IKZF4: variants seen among roughly 807,000 people sequenced by gnomAD.
IKZF4 encodes IKAROS family zinc finger 4.
A neutral mutation model predicts 47.7 loss-of-function variants in IKZF4; 11 were observed. The ratio of observed to expected loss-of-function variants is 0.23; its 90% CI spans 0.15 to 0.38. The LOEUF (loss-of-function observed/expected upper bound fraction) is 0.38. Among genes scored for constraint, IKZF4 ranks in the 10% least tolerant of loss-of-function variants. IKZF4 has a pLI of 1.00. For synonymous variants in IKZF4, 298 were observed against 299.4 expected (o/e 1.00, Z 0.05); for missense variants, 557 against 784.9 (o/e 0.71, Z 3.47).
At chr12:56,024,806 T>C (rs1433599700) in intron 2 of IKZF4, 5 of 1,344,556 alleles carry the variant, frequency 3.7e-6, no homozygotes, top group South Asian at 3.0e-5. Flanking sequence ...CAGGCAGTGA[T>C]GCTCTTGCCC....
intron 7 of IKZF4, 36 bp downstream of exon 7, chr12:56,033,357 G>A: frequency 6.2e-7 from 1 of 1,612,386 alleles, no homozygotes; most frequent in Non-Finnish European, 8.5e-7. Flanking sequence ...TCAGCTTTAA[G>A]CCACAGCTCA....
intron 4 of IKZF4, 102 bp downstream of exon 4, chr12:56,027,143 C>CAG (rs1555204271): frequency 8.4e-7 from 1 of 1,186,022 alleles, no homozygotes; most frequent in Non-Finnish European, 1.1e-6. Flanking sequence ...GGAGGTCATG[C>CAG]AGGGAGTGGG....
At position 56,038,182 on chromosome 12, in the gene IKZF4, CTA is replaced by C. The variant is rs1460812035; in HGVS notation, c.*2853_*2854del. On this transcript the variant is annotated 3_prime_UTR_variant, in exon 8 of 8. Transcript: ENST00000547167. ...TCTCTCCTAGGGTTTCCTTTGTAGC[CTA>C]TGTTTGGTGTCTCTTTTGACCTTTA... 1 of 152,252 alleles carries C rather than the reference CTA, an allele frequency of 6.6e-6. No homozygotes were observed. Among genetic ancestry groups the C allele is most frequent in the Admixed American group, 6.6e-5 (1 of 15,226 alleles). 9.4% of individuals were successfully genotyped at this position (152,252 alleles called of 1,614,324 possible).
At chr12:56,034,066 A>AT (rs1196413117) in intron 7 of IKZF4, among the ~76,000 whole-genome samples, 2 of 151,588 alleles carry the variant, frequency 1.3e-5, no homozygotes, top group Non-Finnish European at 1.5e-5. Flanking sequence ...TGCCCGGCTA[A>AT]TTTTTTTTGT....
intron 2 of IKZF4, among the ~76,000 whole-genome samples, chr12:56,013,495 C>T (rs551258816): frequency 2.6e-5 from 4 of 152,000 alleles, no homozygotes; most frequent in East Asian, 1.9e-4. Flanking sequence ...CGCCCCCAGC[C>T]GACAGTTATG....
chr12:56,028,009 A>G, intron 5 of IKZF4, 62 bp downstream of exon 5: 1 of 1,462,938 alleles, frequency 6.8e-7, no homozygotes, highest in Admixed American at 2.7e-5. Flanking sequence ...TGTAGAGCTC[A>G]GTGACTTCTC....
At chr12:56,020,563 T>A (rs558383915), upstream of IKZF4, among the ~76,000 whole-genome samples, 1 of 152,292 alleles carries the variant, frequency 6.6e-6, no homozygotes, top group African/African-American at 2.4e-5. Context: ...AAATGTAGTC[T>A]TCCAAAGTAG....
At chr12:56,031,849 T>TA (rs1450463344) in intron 5 of IKZF4, among the ~76,000 whole-genome samples, 1 of 152,230 alleles carries the variant, frequency 6.6e-6, no homozygotes, top group Non-Finnish European at 1.5e-5. Context: ...CTCTTTTTTT[T>TA]ACTCTTCTTT....
intron 7 of IKZF4, among the ~76,000 whole-genome samples, chr12:56,033,800 G>C (rs1327800580): frequency 6.6e-6 from 1 of 152,198 alleles, no homozygotes; most frequent in African/African-American, 2.4e-5. Context: ...AAAGTAAAGA[G>C]GGAGGATGTA....
intron 3 of IKZF4, among the ~76,000 whole-genome samples, chr12:56,025,810 C>CA (rs1893881065): frequency 6.6e-6 from 1 of 152,134 alleles, no homozygotes; most frequent in South Asian, 2.1e-4. Flanking sequence ...GTTTTCCCGC[C>CA]ACTGTTAACT....
At position 56,027,661 on chromosome 12, in the gene IKZF4, C is replaced by T. The variant is rs547053535; in HGVS notation, c.548-119C>T. 4.5e-5 allele frequency: 44 copies of T among 974,726 alleles called. No homozygotes were observed. The African/African-American group carries it at 5.3e-4, about 12-fold the overall frequency. The allele number at this position is 974,726 out of a possible 1,614,324, so 60.4% of individuals were successfully genotyped here. ...GGTTTGTGTGCATTGCACTTCTGCC[C>T]GTCAGCAATGTGTTCAGAGCACCTT... On this transcript the variant is annotated intron_variant, in intron 4 of 7. Coordinates refer to ENST00000547167, the MANE Select transcript of IKZF4 (RefSeq NM_022465.4).
chr12:56,008,931 C>G (rs1042913363), intron 1 of IKZF4, among the ~76,000 whole-genome samples: 1 of 152,164 alleles, frequency 6.6e-6, no homozygotes, highest in Admixed American at 6.5e-5. Context: ...CCCGCCTCAG[C>G]CTCCCAAAGT....
chr12:56,028,082 G>C (rs906524098), intron 5 of IKZF4, 135 bp downstream of exon 5: 1 of 995,212 alleles, frequency 1.0e-6, no homozygotes, highest in Admixed American at 3.4e-5. Context: ...GAGCAGATAG[G>C]GCCCCCTGCC....
chr12:56,033,135 G>A, intron 6 of IKZF4, 55 bp from the exon 7 acceptor site: 1 of 1,597,136 alleles, frequency 6.3e-7, no homozygotes, highest in East Asian at 2.2e-5. Flanking sequence ...AAGGCTGTGG[G>A]GCCAATGCTA....
At chr12:56,026,560 A>C (rs1469175569) in intron 3 of IKZF4, among the ~76,000 whole-genome samples, 1 of 151,840 alleles carries the variant, frequency 6.6e-6, no homozygotes, top group Non-Finnish European at 1.5e-5. Context: ...GTGATGGTAC[A>C]TGCCTGTAAT....
chr12:56,017,617 G>A (rs1000416922), upstream of IKZF4, among the ~76,000 whole-genome samples: 2 of 152,176 alleles, frequency 1.3e-5, no homozygotes, highest in South Asian at 4.1e-4. Context: ...AGGCTGGGGA[G>A]GCCTGCAGAA....
At chr12:56,009,216 C>T (rs1301292319) in intron 1 of IKZF4, among the ~76,000 whole-genome samples, 1 of 152,122 alleles carries the variant, frequency 6.6e-6, no homozygotes, top group Non-Finnish European at 1.5e-5. Flanking sequence ...GCCTGTCTCC[C>T]CTTACTGATA....
rs200990134 is a variant in IKZF4, at chr12:56,021,509, G to C, written c.16G>C (p.Ala6Pro). 2 of 1,604,760 alleles carry C rather than the reference G, an allele frequency of 1.2e-6. No homozygotes were observed. The highest frequency in any genetic ancestry group is 1.7e-5 in the Admixed American group (1 of 58,894). Residue 6 changes from alanine to proline, a missense_variant, in exon 1 of 8, where the codon GCA becomes CCA. Around this residue, in one of 6 missense-constraint regions of IKZF4, gnomAD observed 44 missense variants for 39.7 expected, o/e 1.11. Coordinates refer to ENST00000547167, the MANE Select transcript of IKZF4 (RefSeq NM_022465.4). MHTPPALPRRFQGGGR... is the reference protein window; with the variant it reads MHTPPPLPRRFQGGGR... ...AGACGCAGACATGCATACACCACCC[G>C]CACTCCCTCGCCGTTTCCAAGGCGG...
rs375886702 is a variant in IKZF4 at position 56,035,341 on chromosome 12, C to A, written c.*10C>A. ...GCATAAGGTGGGCTAGCAACCTCTC[C>A]CTCTCTCCTCAGTCCACCACTCCAC... On this transcript the variant is annotated 3_prime_UTR_variant, in exon 8 of 8. Transcript: ENST00000547167. This position sits in a 1 kb window ranked among gnomAD's most constrained non-coding sequence, Gnocchi z 6.1. 1.3e-5 allele frequency: 20 copies of A among 1,597,440 alleles called. No individual in the cohort carries two copies. In the African/African-American group the frequency reaches 2.5e-4, roughly 20 times the overall value.
Sources: allele counts gnomAD v4.1 joint callset (sites outside exome capture counted in the v4.1 genomes callset), GRCh38; gene constraint gnomAD v4.1.1; regional missense constraint gnomAD v4.1.1; non-coding constraint Gnocchi (gnomAD v3.1); transcripts MANE v1.5; gene names NCBI Gene and HGNC (gene_info 2026-07-23, HGNC 2026-07-21).